The following ATR variants were observed in gnomAD, a reference collection of about 807,000 sequenced individuals.
ATR encodes serine/threonine-protein kinase ATR.
ATR carries 142 observed loss-of-function variants against 305.3 expected under a neutral mutation model. The ratio of observed to expected loss-of-function variants is 0.47; its 90% CI spans 0.41 to 0.53. ATR has a LOEUF of 0.53. ATR is among the 20% of genes least tolerant of loss of function. The pLI is 0.00. For missense variants in ATR, 2,135 were observed against 3,133.1 expected (o/e 0.68, Z 7.60); for synonymous variants, 1,050 against 1,068.1 (o/e 0.98, Z 0.33).
intron 34 of ATR, among the ~76,000 whole-genome samples, chr3:142,495,243 T>G (rs2031514294): frequency 6.6e-6 from 1 of 152,214 alleles, no homozygotes; most frequent in South Asian, 2.1e-4. Flanking sequence ...AGGTACTGAC[T>G]AATGCACACT....
intron 21 of ATR, among the ~76,000 whole-genome samples, chr3:142,530,089 TCTTTTTACTC>T (rs889943880): frequency 9.2e-5 from 14 of 152,144 alleles, no homozygotes; most frequent in African/African-American, 1.4e-4. Context: ...AACTACTTTT[TCTTTTTACTC>T]CTTTTTACTC....
chr3:142,497,419 T>TG (rs1451956503), intron 32 of ATR, among the ~76,000 whole-genome samples: 1 of 152,070 alleles, frequency 6.6e-6, no homozygotes, highest in Non-Finnish European at 1.5e-5. Flanking sequence ...TAGCCAGGCA[T>TG]GGTAGCGTGC....
At chr3:142,460,430 C>T (rs980337079) in intron 42 of ATR, among the ~76,000 whole-genome samples, 19 of 152,016 alleles carry the variant, frequency 1.2e-4, no homozygotes, top group African/African-American at 4.1e-4. Flanking sequence ...AATCCAGTGA[C>T]TGGTGTTCTT....
At chr3:142,492,996 A>G (rs1363347989) in intron 35 of ATR, 136 bp downstream of exon 35, 1 of 759,924 alleles carries the variant, frequency 1.3e-6, no homozygotes, top group Admixed American at 3.3e-5. Context: ...TTTTGTGATA[A>G]TCCATATACT....
rs1461133998 is a variant in ATR at position 142,559,337 on chromosome 3, C to T, written c.1646G>A (p.Ser549Asn). Reference protein sequence around the residue: ...FYTKVLKSCRSLLESVQKLDL... With the variant: ...FYTKVLKSCRNLLESVQKLDL... ...CAGTTTCTGAACAGATTCTAACAAA[C>T]TTCTACAGCTCTTAAGCACTTTTGT... The change falls in exon 7 of 47, where the codon AGT (serine) becomes AAT (asparagine). Residue 549 changes from serine to asparagine, a missense_variant. By Grantham distance (46) the Ser-to-Asn change is conservative (BLOSUM62 1). Transcript: ENST00000350721. The T allele has an allele frequency of 3.1e-6, 5 of 1,613,984 alleles. No homozygotes were observed. In the African/African-American group the frequency reaches 4.0e-5, roughly 13 times the overall value.
In ATR at chr3:142,499,756, A is replaced by C. The variant is rs750069031; in HGVS notation, c.5289-38T>G. On this transcript the variant is annotated intron_variant, in intron 30 of 46. Coordinates refer to ENST00000350721, the MANE Select transcript of ATR (RefSeq NM_001184.4). ...ACCCATATCAACTAAACTTTAATTT[A>C]TTTAAGGTGACATTCAGAGATTTTT... 4.5e-6 allele frequency: 7 copies of C among 1,551,454 alleles called. 1 individual carries two copies. In the South Asian group the frequency reaches 7.8e-5, roughly 17 times the overall value.
At chr3:142,557,495 G>A (rs1266980130) in intron 8 of ATR, among the ~76,000 whole-genome samples, 1 of 151,950 alleles carries the variant, frequency 6.6e-6, no homozygotes, top group East Asian at 1.9e-4. Flanking sequence ...CAAAATGTAA[G>A]CTGTAAGAAG....
In ATR at chr3:142,513,387, C is replaced by T. The variant is rs573551947; in HGVS notation, c.4641+114G>A. ...AGGCAAAGATATGTAAATGAACATA[C>T]ATAGCCATACATAGGTCTACATTTC... On this transcript the variant is annotated intron_variant, in intron 26 of 46. Transcript: ENST00000350721. 67 of 1,228,394 alleles carry T rather than the reference C, an allele frequency of 5.5e-5. No individual in the cohort carries two copies. The African/African-American group carries it at 7.6e-4, about 14-fold the overall frequency. 76.1% of individuals were successfully genotyped at this position (1,228,394 alleles called of 1,614,324 possible).
rs770769122 is a variant in ATR at position 142,558,651 on chromosome 3, A to C, written c.1858T>G (p.Leu620Val). 4 of 1,613,400 alleles carry C rather than the reference A, an allele frequency of 2.5e-6. No homozygotes were observed. The highest frequency in any genetic ancestry group is 3.4e-6 in the Non-Finnish European group (4 of 1,179,616). The change falls in exon 8 of 47, where the codon TTA becomes GTA. Residue 620 changes from leucine (L) to valine (V), a missense_variant. Transcript: ENST00000350721. Reference sequence around the variant, plus strand: ...TAGCTATCTGAAATCCTACAGCTTAATGTTAGAAGATTAGCGGCAAATGTG... The same window carrying C: ...TAGCTATCTGAAATCCTACAGCTTACTGTTAGAAGATTAGCGGCAAATGTG... ...LTTFAANLLT[L>V]SCRISDSYSP... is the part of the protein sequence containing the mutation.
At position 142,548,683 on chromosome 3, in the gene ATR, A is replaced by AG. The variant is rs1235076135; in HGVS notation, c.3172-774_3172-773insC. On this transcript the variant is annotated intron_variant, in intron 15 of 46. Transcript: ENST00000350721. ...AACTCCCATCACAAAAAAAAAAAAA[A>AG]AAAATTAAGAGTACCTTTATCTCAT... Among the ~76,000 whole-genome samples the AG allele has an allele frequency of 5.3e-5, 8 of 152,212 alleles. No individual in the cohort carries two copies. In the East Asian group the frequency reaches 1.4e-3, roughly 26 times the overall value.
intron 2 of ATR, among the ~76,000 whole-genome samples, chr3:142,566,680 G>T (rs1420907989): frequency 6.7e-6 from 1 of 149,854 alleles, no homozygotes; most frequent in Non-Finnish European, 1.5e-5. Context: ...AGACTTTGGT[G>T]ACCAGAATTA....
intron 27 of ATR, among the ~76,000 whole-genome samples, chr3:142,511,959 C>T (rs1225484814): frequency 6.6e-6 from 1 of 151,610 alleles, no homozygotes; most frequent in Non-Finnish European, 1.5e-5. Context: ...ACTAAAAATA[C>T]ACGAAAAAAT....
In ATR at chr3:142,522,825, G is replaced by T; in HGVS notation, c.4169C>A (p.Ser1390Ter). 1.2e-6 allele frequency: 2 copies of T among 1,608,924 alleles called. No individual in the cohort carries two copies. The highest frequency in any genetic ancestry group is 2.2e-5 in the South Asian group (2 of 90,936). The change falls in exon 23 of 47, where the codon TCA becomes TAA. Residue 1390 changes from serine (S) to a stop codon, truncating the protein, a stop_gained. Coordinates refer to ENST00000350721, the MANE Select transcript of ATR (RefSeq NM_001184.4). LOFTEE classifies it high-confidence loss of function. ...CATCAATAATCCATAGGCAAAGCTT[G>T]AATCTTCTACTCCAGTCTCAATCAG... ...DFTFVTGVED[S>*]SFAYGLLMEL...
rs11318957 is a variant in ATR at position 142,572,372 on chromosome 3, C to CTTTTTTTTTT, written c.60-4228_60-4219dup. Among the ~76,000 whole-genome samples, 34 of 56,810 alleles carry CTTTTTTTTTT rather than the reference C, an allele frequency of 6.0e-4. 4 individuals are homozygous for CTTTTTTTTTT. Among genetic ancestry groups the CTTTTTTTTTT allele is most frequent in the Non-Finnish European group, 8.8e-4 (27 of 30,786 alleles). 37.3% of individuals were successfully genotyped at this position (56,810 alleles called of 152,430 possible). ...GCGTGAGCCACCACGCCCGGCCTGA[C>CTTTTTTTTTT]TTTTTTTTTTTTTTTTTTTTTTTTT... On this transcript the variant is annotated intron_variant, in intron 1 of 46. Coordinates refer to ENST00000350721, the MANE Select transcript of ATR (RefSeq NM_001184.4).
At chr3:142,551,340 T>A (rs1235213554) in intron 13 of ATR, among the ~76,000 whole-genome samples, 1 of 152,098 alleles carries the variant, frequency 6.6e-6, no homozygotes, top group Non-Finnish European at 1.5e-5. Flanking sequence ...AGTGGGAGGA[T>A]CTCTAAGCCC....
At chr3:142,566,742 C>T (rs1191961642) in intron 2 of ATR, among the ~76,000 whole-genome samples, 3 of 151,628 alleles carry the variant, frequency 2.0e-5, no homozygotes, top group Non-Finnish European at 2.9e-5. Flanking sequence ...GGGCTAAACA[C>T]TACAGTCTTT....
At chr3:142,501,605 G>A (rs960579185) in intron 30 of ATR, among the ~76,000 whole-genome samples, 4 of 152,090 alleles carry the variant, frequency 2.6e-5, no homozygotes, top group Non-Finnish European at 4.4e-5. Context: ...AGTAGGCAAA[G>A]GACATGAGCA....
intron 35 of ATR, among the ~76,000 whole-genome samples, chr3:142,489,013 T>A (rs2108318443): frequency 1.3e-5 from 2 of 152,318 alleles, no homozygotes; most frequent in Middle Eastern, 6.8e-3. Context: ...TTTCATCATT[T>A]TTATTGCTAT....
chr3:142,535,316 T>G, intron 20 of ATR, 111 bp from the exon 21 acceptor site: 1 of 1,228,518 alleles, frequency 8.1e-7, no homozygotes, highest in Non-Finnish European at 1.2e-6. Context: ...AAACCAATTT[T>G]TTAAAGTAAT....
Sources: gnomAD v4.1 joint callset for allele counts (sites outside exome capture counted in the v4.1 genomes callset) on GRCh38, gnomAD v4.1.1 for gene constraint, MANE v1.5 for transcripts, NCBI Gene and HGNC (gene_info 2026-07-23, HGNC 2026-07-21) for gene names.